Variants in PPM1E observed in about 807,000 individuals in gnomAD.
PPM1E encodes protein phosphatase 1E.
Under a neutral mutation model 65.9 loss-of-function variants are expected in PPM1E, and 20 were observed. That is an observed-to-expected ratio of 0.30 (90% CI 0.21 to 0.44). PPM1E has a LOEUF of 0.44. Ranked by LOEUF, PPM1E falls within the 20% of genes least tolerant of loss-of-function variation. PPM1E has a pLI of 1.00. For synonymous variants in PPM1E, 352 were observed against 374.9 expected (o/e 0.94, Z 0.70); for missense variants, 713 against 953.1 (o/e 0.75, Z 3.32).
chr17:58,823,329 G>T (rs145116655), intron 1 of PPM1E, among the ~76,000 whole-genome samples: 1 of 152,148 alleles, frequency 6.6e-6, no homozygotes, highest in East Asian at 1.9e-4. Context: ...AATCATGTGG[G>T]TATTTGCATG....
At chr17:58,766,248 C>G (rs2049876831) in intron 1 of PPM1E, among the ~76,000 whole-genome samples, 3 of 131,154 alleles carry the variant, frequency 2.3e-5, no homozygotes, top group Non-Finnish European at 4.6e-5. Context: ...GCTGCCCAGG[C>G]TGGAGTGCAG....
chr17:58,788,457 A>G (rs1037898935), intron 1 of PPM1E, among the ~76,000 whole-genome samples: 4 of 152,196 alleles, frequency 2.6e-5, no homozygotes, highest in Non-Finnish European at 5.9e-5. Flanking sequence ...CTCTTTCACT[A>G]CGGGTATAGT....
At chr17:58,789,947 A>G (rs1006778057) in intron 1 of PPM1E, among the ~76,000 whole-genome samples, 1 of 152,128 alleles carries the variant, frequency 6.6e-6, no homozygotes, top group African/African-American at 2.4e-5. Context: ...GGCAGGCACT[A>G]TAGAATTTTC....
Position 58,972,025 on chromosome 17 carries a change from TAATAG to T in PPM1E, c.973-106_973-102del, listed in dbSNP as rs1292742842. The T allele has an allele frequency of 1.5e-5, 16 of 1,051,136 alleles. No individual in the cohort carries two copies. In the African/African-American group the frequency reaches 2.4e-4, roughly 16 times the overall value. The allele number at this position is 1,051,136 out of a possible 1,614,324, so 65.1% of individuals were successfully genotyped here. ...TTATATATGTGTGAAATTCCATTAT[TAATAG>T]TATAGCTCCCAGCTGAAAAGCTTAA... On this transcript the variant is annotated intron_variant, in intron 4 of 6. Transcript: ENST00000308249.
chr17:58,928,137 C>T (rs1348563541), intron 1 of PPM1E, among the ~76,000 whole-genome samples: 3 of 151,824 alleles, frequency 2.0e-5, no homozygotes, highest in Non-Finnish European at 4.4e-5. Context: ...GAGGCTGAGG[C>T]AGGAGGATCA....
chr17:58,812,274 C>CGA (rs2050376038), intron 1 of PPM1E, among the ~76,000 whole-genome samples: 1 of 130,362 alleles, frequency 7.7e-6, no homozygotes, highest in Non-Finnish European at 1.5e-5. Flanking sequence ...ACTGAACTCC[C>CGA]ACCTGGGCGA....
In PPM1E at chr17:58,826,679, G is replaced by A. The variant is rs141632048; in HGVS notation, c.464+70218G>A. On this transcript the variant is annotated intron_variant, in intron 1 of 6. Transcript: ENST00000308249. ...CTGGCTCTGTCGCCCAGGCTAGAGT[G>A]CAGTGCCACGATCTTGGCTCACTGC... is the stretch of plus-strand genomic sequence containing the variant. Among the ~76,000 whole-genome samples, 506 of 152,194 alleles carry A rather than the reference G, an allele frequency of 3.3e-3. 18 individuals are homozygous for A. In the East Asian group the frequency reaches 0.087, roughly 26 times the overall value.
intron 1 of PPM1E, among the ~76,000 whole-genome samples, chr17:58,896,390 G>A (rs1446046817): frequency 3.9e-5 from 6 of 151,944 alleles, no homozygotes; most frequent in African/African-American, 1.2e-4. Context: ...TTCAAGACCT[G>A]CCTGACCAAT....
chr17:58,765,266 C>T (rs1201646375), intron 1 of PPM1E, among the ~76,000 whole-genome samples: 21 of 150,654 alleles, frequency 1.4e-4, no homozygotes. Flanking sequence ...CAACTTCCAA[C>T]TTCCTGGTTC....
chr17:58,859,967 T>A (rs1245022249), intron 1 of PPM1E, among the ~76,000 whole-genome samples: 1 of 152,228 alleles, frequency 6.6e-6, no homozygotes, highest in African/African-American at 2.4e-5. Context: ...GGCTGCAGTA[T>A]GTCTAAAGCC....
chr17:58,918,142 TTGAC>T (rs2051706335), intron 1 of PPM1E, among the ~76,000 whole-genome samples: 1 of 152,188 alleles, frequency 6.6e-6, no homozygotes. Context: ...GGGAATCCAT[TTGAC>T]TGTGCTCACA....
chr17:58,761,911 GTTTA>G (rs1274680145), intron 1 of PPM1E, among the ~76,000 whole-genome samples: 1 of 152,166 alleles, frequency 6.6e-6, no homozygotes, highest in Non-Finnish European at 1.5e-5. Flanking sequence ...ATTATCATCT[GTTTA>G]TTTGTGTATA....
chr17:58,810,982 C>T (rs1042554704), intron 1 of PPM1E, among the ~76,000 whole-genome samples: 2 of 151,998 alleles, frequency 1.3e-5, no homozygotes, highest in East Asian at 1.9e-4. Context: ...TTCAGCCTCC[C>T]GAGTAGGTGG....
rs575024337 is a variant in PPM1E, at chr17:58,798,332, G to A, written c.464+41871G>A. The stretch of plus-strand genomic sequence containing the variant: ...CAACCTCCACCTCCCGGGTTCAAGC[G>A]ATTCTCCTGCCTCAGCCTCCTGAGT... On this transcript the variant is annotated intron_variant, in intron 1 of 6. Transcript: ENST00000308249. 8.0e-5 allele frequency among the ~76,000 whole-genome samples: 12 copies of A among 150,268 alleles called. No individual in the cohort carries two copies. The South Asian group carries it at 1.3e-3, about 16-fold the overall frequency.
chr17:58,907,189 T>C (rs1031667801), intron 1 of PPM1E, among the ~76,000 whole-genome samples: 1 of 151,762 alleles, frequency 6.6e-6, no homozygotes, highest in African/African-American at 2.4e-5. Context: ...AAGGCTGCAG[T>C]GAGCCAGGAT....
At chr17:58,865,147 T>C (rs1322653088) in intron 1 of PPM1E, among the ~76,000 whole-genome samples, 5 of 148,466 alleles carry the variant, frequency 3.4e-5, no homozygotes, top group Non-Finnish European at 7.5e-5. Context: ...CCCAGCACTT[T>C]GGGAGGCCGA....
chr17:58,975,352 T>C (rs550846233), intron 6 of PPM1E, among the ~76,000 whole-genome samples: 90 of 152,222 alleles, frequency 5.9e-4, no homozygotes, highest in African/African-American at 2.0e-3. Flanking sequence ...CCTTAATAAG[T>C]GACAATCTCA....
intron 2 of PPM1E, among the ~76,000 whole-genome samples, chr17:58,956,515 C>T (rs1472985917): frequency 6.6e-6 from 1 of 151,150 alleles, no homozygotes; most frequent in Non-Finnish European, 1.5e-5. Context: ...TTCAAGAAAT[C>T]AGTTGTAACA....
chr17:58,817,870 G>A (rs754249402), intron 1 of PPM1E, among the ~76,000 whole-genome samples: 58 of 151,946 alleles, frequency 3.8e-4, no homozygotes, highest in Non-Finnish European at 7.4e-4. Flanking sequence ...TCCTGCCTCA[G>A]CCTCCCGAGT....
Sources: gnomAD v4.1 joint callset for allele counts (sites outside exome capture counted in the v4.1 genomes callset) on GRCh38, gnomAD v4.1.1 for gene constraint, MANE v1.5 for transcripts, NCBI Gene and HGNC (gene_info 2026-07-23, HGNC 2026-07-21) for gene names.